RPS6KA2: variants seen among roughly 807,000 people sequenced by gnomAD.
The protein encoded by RPS6KA2 is ribosomal protein S6 kinase alpha-2.
A neutral mutation model predicts 91.8 loss-of-function variants in RPS6KA2; 42 were observed. The ratio of observed to expected loss-of-function variants is 0.46; its 90% confidence interval spans 0.36 to 0.59. The LOEUF is 0.59. RPS6KA2 is among the 20% of genes least tolerant of loss of function. RPS6KA2 has a pLI of 0.00. For synonymous variants in RPS6KA2, 414 were observed against 393.6 expected (o/e 1.05, Z -0.61); for missense variants, 798 against 978.5 (o/e 0.82, Z 2.46).
intron 2 of RPS6KA2, among the ~76,000 whole-genome samples, chr6:166,773,380 CT>C (rs950057183): frequency 2.8e-5 from 4 of 143,060 alleles, no homozygotes; most frequent in African/African-American, 1.2e-4. Context: ...TCTTTTCTTT[CT>C]TTTCGTTTTT....
chr6:166,483,145 G>A (rs1267696044), intron 10 of RPS6KA2, among the ~76,000 whole-genome samples: 1 of 152,232 alleles, frequency 6.6e-6, no homozygotes, highest in East Asian at 1.9e-4. Flanking sequence ...CACCAGGTAA[G>A]AGACCACCTG....
At chr6:166,488,771 A>G in intron 10 of RPS6KA2, 62 bp downstream of exon 10, 2 of 1,344,804 alleles carry the variant, frequency 1.5e-6, no homozygotes, top group Non-Finnish European at 2.1e-6. Flanking sequence ...CCACATCTCC[A>G]CTGTAGCTTG....
intron 8 of RPS6KA2, 121 bp downstream of exon 8, chr6:166,498,387 G>T: frequency 8.7e-7 from 1 of 1,153,614 alleles, no homozygotes; most frequent in Non-Finnish European, 1.2e-6. Flanking sequence ...CACTTGCCCA[G>T]TGTCCCAAGC....
chr6:166,797,282 GA>G (rs1779251440), intron 2 of RPS6KA2, among the ~76,000 whole-genome samples: 2 of 151,492 alleles, frequency 1.3e-5, no homozygotes. Flanking sequence ...GGATGCCACT[GA>G]AGGAGATGAA....
intron 10 of RPS6KA2, chr6:166,475,779 T>C (rs757840190): frequency 8.6e-5 from 46 of 532,834 alleles, no homozygotes; most frequent in South Asian, 6.4e-4. Flanking sequence ...ATGCCAGTCT[T>C]AGACTCAGAA....
At chr6:166,566,668 A>C (rs1784515321) in intron 1 of RPS6KA2, among the ~76,000 whole-genome samples, 1 of 152,104 alleles carries the variant, frequency 6.6e-6, no homozygotes, top group Non-Finnish European at 1.5e-5. Context: ...CCTTGCCTGG[A>C]ATCTCCCCAA....
intron 8 of RPS6KA2, among the ~76,000 whole-genome samples, chr6:166,497,300 G>A (rs766165020): frequency 2.0e-5 from 3 of 152,228 alleles, no homozygotes; most frequent in Non-Finnish European, 4.4e-5. Flanking sequence ...CTCAAGTGTC[G>A]TGCCTGTGCT....
At chr6:166,724,058 A>C (rs987485361) in intron 2 of RPS6KA2, among the ~76,000 whole-genome samples, 85 of 152,292 alleles carry the variant, frequency 5.6e-4, no homozygotes, top group African/African-American at 1.9e-3. Flanking sequence ...TTAAAAGGTA[A>C]GTATAATCTA....
intron 2 of RPS6KA2, among the ~76,000 whole-genome samples, chr6:166,741,475 C>T (rs148029109): frequency 3.8e-4 from 58 of 152,272 alleles, no homozygotes; most frequent in African/African-American, 1.3e-3. Flanking sequence ...CCTGCCACAT[C>T]GAAAAACGGA....
intron 2 of RPS6KA2, among the ~76,000 whole-genome samples, chr6:166,772,323 T>C (rs1030492015): frequency 6.7e-6 from 1 of 148,858 alleles, no homozygotes; most frequent in Non-Finnish European, 1.5e-5. Flanking sequence ...TGTCCTGGGA[T>C]GGCCAGCCTG....
chr6:166,459,448 C>T lies in RPS6KA2; in HGVS notation c.1075+1G>A. Reference sequence around the variant, plus strand: ...ATAGAGGGAACCACTGTGGCACACACCTGTGGGCGTCCGCGCTGTGAACTC... The same window carrying T: ...ATAGAGGGAACCACTGTGGCACACATCTGTGGGCGTCCGCGCTGTGAACTC... On this transcript the variant is annotated splice_donor_variant, in intron 12 of 20. Transcript: ENST00000265678. LOFTEE classifies it high-confidence loss of function. The surrounding 1 kb of genome is among the most constrained non-coding windows in gnomAD (Gnocchi z 4.9). 1.2e-6 allele frequency: 2 copies of T among 1,610,832 alleles called. No individual in the cohort carries two copies. The highest frequency in any genetic ancestry group is 1.7e-6 in the Non-Finnish European group (2 of 1,177,150).
chr6:166,495,028 G>A lies in RPS6KA2; in HGVS notation c.747+3480C>T, dbSNP rs1422654295. Among the ~76,000 whole-genome samples the A allele has an allele frequency of 2.0e-5, 3 of 152,208 alleles. No individual in the cohort carries two copies. The highest frequency in any genetic ancestry group is 1.9e-4 in the East Asian group (1 of 5,188). ...TGCCACCCACGGACGTGTGGGAAGC[G>A]TGGGGCCTCCACAGTCAAGACCTTT... On this transcript the variant is annotated intron_variant, in intron 8 of 20. Transcript: ENST00000265678. This position sits in a 1 kb window ranked among gnomAD's most constrained non-coding sequence, Gnocchi z 4.4.
intron 2 of RPS6KA2, among the ~76,000 whole-genome samples, chr6:166,656,289 G>A (rs1468074388): frequency 6.6e-6 from 1 of 152,252 alleles, no homozygotes; most frequent in Non-Finnish European, 1.5e-5. Context: ...AGGGAGGGGA[G>A]AGGCAGGGAA....
chr6:166,430,753 C>T (rs2128445531), intron 15 of RPS6KA2, 142 bp from the exon 16 acceptor site: 1 of 774,680 alleles, frequency 1.3e-6, no homozygotes, highest in East Asian at 2.8e-5. Context: ...AAGGCTTCTG[C>T]AGGGTAGAAG....
At chr6:166,534,512 C>G (rs183667611) in intron 2 of RPS6KA2, among the ~76,000 whole-genome samples, 10 of 152,178 alleles carry the variant, frequency 6.6e-5, no homozygotes, top group African/African-American at 2.4e-4. Context: ...ATAAGAAGTA[C>G]GACCGTATAA....
chr6:166,700,723 A>C (rs934616702), intron 2 of RPS6KA2, among the ~76,000 whole-genome samples: 2 of 152,110 alleles, frequency 1.3e-5, no homozygotes, highest in African/African-American at 4.8e-5. Flanking sequence ...TTTAGGAACA[A>C]TCTATTTGAT....
intron 1 of RPS6KA2, among the ~76,000 whole-genome samples, chr6:166,575,873 T>C (rs1297919329): frequency 3.3e-5 from 5 of 152,312 alleles, no homozygotes; most frequent in Non-Finnish European, 7.3e-5. Flanking sequence ...TGAGAATGAA[T>C]GACTTGAGGT....
chr6:166,628,119 C>A (rs1432934187), upstream of RPS6KA2: 2 of 152,298 alleles, frequency 1.3e-5, no homozygotes, highest in African/African-American at 4.8e-5. Context: ...GCTGGGAATA[C>A]CCGGGCGGGG....
chr6:166,427,488 A>G (rs1019135255), intron 16 of RPS6KA2, among the ~76,000 whole-genome samples: 6 of 151,924 alleles, frequency 3.9e-5, no homozygotes, highest in African/African-American at 1.4e-4. Context: ...AGGGTATTCA[A>G]TTAGGAAAAG....
Sources: allele counts gnomAD v4.1 joint callset (sites outside exome capture counted in the v4.1 genomes callset), GRCh38; gene constraint gnomAD v4.1.1; non-coding constraint Gnocchi (gnomAD v3.1); transcripts MANE v1.5; gene names NCBI Gene and HGNC (gene_info 2026-07-23, HGNC 2026-07-21).